Variants in USP38 observed in about 807,000 individuals in gnomAD.
USP38 encodes the protein ubiquitin specific peptidase 38, also known as ubiquitin carboxyl-terminal hydrolase 38.
USP38 carries 49 observed loss-of-function variants against 94.3 expected under a neutral mutation model. That is an observed-to-expected ratio of 0.52 (90% CI 0.41 to 0.66). The LOEUF (loss-of-function observed/expected upper bound fraction) is 0.66, where lower values mean the gene tolerates loss of function less well. Ranked by LOEUF, USP38 falls within the 30% of genes least tolerant of loss-of-function variation. The probability of loss-of-function intolerance (pLI) is 0.00; values close to 1 mark genes in which losing one functional copy is unlikely to be tolerated. For synonymous variants in USP38, 468 were observed against 463.6 expected, an observed-to-expected ratio of 1.01 and a Z score of -0.12; for missense variants, 1,128 against 1,229.4, an observed-to-expected ratio of 0.92 and a Z score of 1.23.
At chr4:143,206,288 T>C in intron 6 of USP38, 62 bp downstream of exon 6, 2 of 1,343,516 alleles carry the variant, frequency 1.5e-6, no homozygotes, top group Non-Finnish European at 2.0e-6. Flanking sequence ...TGATGAAATA[T>C]AAGATGATAG....
intron 9 of USP38, among the ~76,000 whole-genome samples, chr4:143,216,827 T>C (rs559703477): frequency 5.3e-5 from 8 of 152,106 alleles, no homozygotes; most frequent in African/African-American, 1.9e-4. Flanking sequence ...TATTTATTTA[T>C]TGACACAGAG....
chr4:143,212,465 T>C (rs753702995), intron 8 of USP38, 41 bp downstream of exon 8: 1 of 1,393,294 alleles, frequency 7.2e-7, no homozygotes, highest in Non-Finnish European at 9.9e-7. Flanking sequence ...GTGTTGTCTT[T>C]CATAACAGTT....
chr4:143,197,895 T>C lies in USP38; in HGVS notation c.1021T>C (p.Phe341Leu). ...AGTTCTTTCTCACATGCTGCTTAGC[T>C]TTCAGCATTCTCCAGAGGCGTTCCA... is the stretch of plus-strand genomic sequence containing the variant. ...LAVLSHMLLS[F>L]QHSPEAFHLI... Residue 341 changes from phenylalanine (F) to leucine (L), a missense_variant, in exon 4 of 10, where the codon TTT becomes CTT. Phe to Leu is a conservative substitution (Grantham distance 22). Coordinates refer to ENST00000307017, the MANE Select transcript of USP38 (RefSeq NM_032557.6). The C allele has an allele frequency of 6.2e-7, 1 of 1,613,870 alleles. No individual in the cohort carries two copies. Among genetic ancestry groups the C allele is most frequent in the Non-Finnish European group, 8.5e-7 (1 of 1,179,806 alleles).
At position 143,222,329 on chromosome 4, in the gene USP38, C is replaced by T. The variant is rs1390695459; in HGVS notation, c.*1873C>T. On this transcript the variant is annotated 3_prime_UTR_variant, in exon 10 of 10. Coordinates refer to ENST00000307017, the MANE Select transcript of USP38 (RefSeq NM_032557.6). ...TCTGCAGTGGATTGGTTCCAGAACA[C>T]CATCCCCCAATATTAAAATCCACAG... is the stretch of plus-strand genomic sequence containing the variant. 1.3e-5 allele frequency: 2 copies of T among 151,908 alleles called. No individual in the cohort carries two copies. The highest frequency in any genetic ancestry group is 1.3e-4 in the Admixed American group (2 of 15,238). The allele number at this position is 151,908 out of a possible 1,614,324, so 9.4% of individuals were successfully genotyped here. A position where few individuals can be genotyped will look rare whatever the true frequency, so the allele number is the denominator to read the frequency against.
chr4:143,214,628 A>G lies in USP38; in HGVS notation c.2652A>G (p.Ala884=). 6.2e-7 allele frequency: 1 copy of G among 1,613,676 alleles called. No individual in the cohort carries two copies. The highest frequency in any genetic ancestry group is 1.1e-5 in the South Asian group (1 of 91,068). The change falls in exon 9 of 10, where the codon GCA becomes GCG. Residue 884 remains alanine (A), a synonymous_variant. Coordinates refer to ENST00000307017, the MANE Select transcript of USP38 (RefSeq NM_032557.6). ...ACCAGTCTGAGGCTCTGGCATTAGC[A>G]TCCTCCCAGAGTCATTTACTAGGGA... ...MYHQSEALAL[A]SSQSHLLGRD...
chr4:143,218,510 AT>A (rs1051867227), intron 9 of USP38, among the ~76,000 whole-genome samples: 16 of 151,936 alleles, frequency 1.1e-4, no homozygotes, highest in African/African-American at 3.1e-4. Context: ...AATACCACAC[AT>A]TTTTTTCTGT....
Position 143,209,572 on chromosome 4 carries a change from G to C in USP38, c.1412G>C (p.Arg471Thr). ...ATTATATTCTCTTTCAGTTTCAGGA[G>C]ACAAGTATTATCTTTAAATCTAAAT... ...QALFMATDFR[R>T]QVLSLNLNGC... Residue 471 changes from arginine (R) to threonine (T), a missense_variant, in exon 7 of 10, where the codon AGA (arginine) becomes ACA (threonine). Coordinates refer to ENST00000307017, the MANE Select transcript of USP38 (RefSeq NM_032557.6). 6.4e-7 allele frequency: 1 copy of C among 1,568,258 alleles called. No homozygotes were observed. Among genetic ancestry groups the C allele is most frequent in the South Asian group, 1.1e-5 (1 of 89,574 alleles).
At chr4:143,203,229 G>A (rs577712794) in intron 4 of USP38, among the ~76,000 whole-genome samples, 179 bp from the exon 5 acceptor site, 1 of 152,170 alleles carries the variant, frequency 6.6e-6, no homozygotes, top group Non-Finnish European at 1.5e-5. Flanking sequence ...ATGCGACTTC[G>A]AAAACTAGAT....
chr4:143,187,477 T>A (rs1731263697), intron 1 of USP38, among the ~76,000 whole-genome samples: 1 of 152,108 alleles, frequency 6.6e-6, no homozygotes, highest in Non-Finnish European at 1.5e-5. Flanking sequence ...AATGATACTT[T>A]ATGTTTCTTT....
At chr4:143,210,824 G>A (rs1343502293) in intron 7 of USP38, among the ~76,000 whole-genome samples, 1 of 151,978 alleles carries the variant, frequency 6.6e-6, no homozygotes, top group African/African-American at 2.4e-5. Flanking sequence ...TCTACAAGCT[G>A]AGAAATATCT....
At chr4:143,209,504 C>A in intron 6 of USP38, 60 bp from the exon 7 acceptor site, 4 of 988,248 alleles carry the variant, frequency 4.0e-6, no homozygotes, top group Non-Finnish European at 5.8e-6. Flanking sequence ...AAAAAAAAAG[C>A]TTTTAATAAA....
intron 1 of USP38, among the ~76,000 whole-genome samples, chr4:143,187,594 T>G (rs765754538): frequency 1.3e-5 from 2 of 152,206 alleles, no homozygotes; most frequent in Non-Finnish European, 2.9e-5. Context: ...TATCAATATA[T>G]TTCAGTATTC....
chr4:143,216,758 G>A (rs1164807687), intron 9 of USP38, among the ~76,000 whole-genome samples: 1 of 151,738 alleles, frequency 6.6e-6, no homozygotes, highest in East Asian at 1.9e-4. Flanking sequence ...CACTGCATGT[G>A]GCCCAATAAT....
chr4:143,186,168 A>T (rs769866715), intron 1 of USP38, 36 bp downstream of exon 1: 8 of 1,588,804 alleles, frequency 5.0e-6, no homozygotes, highest in Non-Finnish European at 6.9e-6. Context: ...TCTCATAAAA[A>T]ATCAGTATAT....
intron 5 of USP38, chr4:143,204,433 A>G (rs956386796): frequency 6.7e-6 from 3 of 448,746 alleles, no homozygotes; most frequent in South Asian, 4.7e-5. Flanking sequence ...TCTGTTGCCC[A>G]GGCTGAAGTG....
intron 1 of USP38, 39 bp downstream of exon 1, chr4:143,186,171 C>T (rs370502033): frequency 2.5e-6 from 4 of 1,575,942 alleles, no homozygotes; most frequent in South Asian, 1.2e-5. Flanking sequence ...CATAAAAAAT[C>T]AGTATATGTC....
At chr4:143,200,042 T>C (rs1731666783) in intron 4 of USP38, among the ~76,000 whole-genome samples, 1 of 152,196 alleles carries the variant, frequency 6.6e-6, no homozygotes, top group Non-Finnish European at 1.5e-5. Context: ...TGTCATGAAA[T>C]CTTTGTGTCC....
chr4:143,197,404 A>G (rs1015432097), intron 3 of USP38, among the ~76,000 whole-genome samples: 1 of 151,994 alleles, frequency 6.6e-6, no homozygotes, highest in African/African-American at 2.4e-5. Context: ...TATTGTTTCT[A>G]CCTGCCCTCT....
rs1561234674 is a variant in USP38, at chr4:143,185,418, A to G, written c.-33A>G. 1 of 1,537,506 alleles carries G rather than the reference A, an allele frequency of 6.5e-7. No individual in the cohort carries two copies. Among genetic ancestry groups the G allele is most frequent in the Non-Finnish European group, 8.8e-7 (1 of 1,140,570 alleles). ...TCGGGGCTGCCGCCACCCGCTCCTT[A>G]TCCCCTGGCCCTGGCCTTGCAGCGT... On this transcript the variant is annotated 5_prime_UTR_variant, in exon 1 of 10. Coordinates refer to ENST00000307017, the MANE Select transcript of USP38 (RefSeq NM_032557.6).
Sources: allele counts gnomAD v4.1 joint callset (sites outside exome capture counted in the v4.1 genomes callset), GRCh38; gene constraint gnomAD v4.1.1; transcripts MANE v1.5; gene names NCBI Gene and HGNC (gene_info 2026-07-23, HGNC 2026-07-21).